The following SEC31A variants were observed in gnomAD, a reference collection of about 807,000 sequenced individuals.
SEC31A encodes protein transport protein Sec31A.
In SEC31A, 70 loss-of-function variants were observed where a neutral mutation model predicts 151.0. The observed-to-expected ratio is 0.46, with a 90% CI of 0.38 to 0.57. The LOEUF (loss-of-function observed/expected upper bound fraction) is 0.57. SEC31A is among the 20% of genes least tolerant of loss of function. SEC31A has a pLI of 0.00. For synonymous variants in SEC31A, 475 were observed against 505.9 expected (o/e 0.94, Z 0.82); for missense variants, 1,330 against 1,471.2 (o/e 0.90, Z 1.57).
intron 16 of SEC31A, among the ~76,000 whole-genome samples, chr4:82,856,068 G>A (rs1289320035): frequency 6.6e-6 from 1 of 151,988 alleles, no homozygotes; most frequent in Non-Finnish European, 1.5e-5. Context: ...ATTTCTATTT[G>A]GAAAATACTG....
At chr4:82,838,531 C>T (rs1208604797) in intron 22 of SEC31A, among the ~76,000 whole-genome samples, 1 of 152,218 alleles carries the variant, frequency 6.6e-6, no homozygotes, top group Middle Eastern at 3.2e-3. Flanking sequence ...TGCAAGGCCA[C>T]ATCCAGATTA....
At chr4:82,868,799 G>A (rs1051123071) in intron 8 of SEC31A, among the ~76,000 whole-genome samples, 10 of 151,516 alleles carry the variant, frequency 6.6e-5, no homozygotes, top group East Asian at 3.9e-4. Flanking sequence ...GGGCTCAAGC[G>A]ATCCTCCTAT....
At chr4:82,875,597 C>T (rs1180688524) in intron 5 of SEC31A, 130 bp downstream of exon 5, 1 of 619,942 alleles carries the variant, frequency 1.6e-6, no homozygotes, top group Non-Finnish European at 2.9e-6. Context: ...GAAGAAAAAT[C>T]AGTAATATCT....
intron 26 of SEC31A, among the ~76,000 whole-genome samples, chr4:82,820,780 C>A (rs1723146088): frequency 6.6e-6 from 1 of 152,194 alleles, no homozygotes; most frequent in East Asian, 1.9e-4. Flanking sequence ...CCAACACAGG[C>A]CAGTTTGTAT....
At chr4:82,833,018 C>G (rs918326371) in intron 22 of SEC31A, among the ~76,000 whole-genome samples, 1 of 152,186 alleles carries the variant, frequency 6.6e-6, no homozygotes, top group Non-Finnish European at 1.5e-5. Flanking sequence ...GGATCTAGAA[C>G]TAGGAATACC....
rs376260467 is a variant in SEC31A, at chr4:82,857,774, T to A, written c.1627-10A>T. Reference sequence around the variant, plus strand: ...TTTCCTCTTTAATGTGCTAAAGAGATGAAAAAAGCAACAATTTAGCCAGAA... The same window carrying A: ...TTTCCTCTTTAATGTGCTAAAGAGAAGAAAAAAGCAACAATTTAGCCAGAA... On this transcript the variant is annotated splice_polypyrimidine_tract_variant and intron_variant, in intron 14 of 26. Transcript: ENST00000395310. The A allele has an allele frequency of 1.3e-6, 2 of 1,538,664 alleles. No homozygotes were observed. The highest frequency in any genetic ancestry group is 1.4e-5 in the African/African-American group (1 of 72,868).
chr4:82,881,682 A>G (rs986457280), intron 2 of SEC31A, among the ~76,000 whole-genome samples, 176 bp downstream of exon 2: 1 of 152,244 alleles, frequency 6.6e-6, no homozygotes, highest in Admixed American at 6.5e-5. Flanking sequence ...GTAACACATC[A>G]TGATCAAAAT....
chr4:82,837,791 C>A (rs1245159570), intron 22 of SEC31A, among the ~76,000 whole-genome samples: 1 of 152,210 alleles, frequency 6.6e-6, no homozygotes, highest in Non-Finnish European at 1.5e-5. Flanking sequence ...AGTTGCACAG[C>A]ATCCTTACCC....
intron 26 of SEC31A, among the ~76,000 whole-genome samples, chr4:82,819,542 T>C (rs2148876780): frequency 6.6e-6 from 1 of 152,248 alleles, no homozygotes; most frequent in South Asian, 2.1e-4. Flanking sequence ...GAAATGCTAA[T>C]TTCTCTCTCC....
chr4:82,845,559 C>T (rs1729895312), intron 20 of SEC31A, among the ~76,000 whole-genome samples: 1 of 151,444 alleles, frequency 6.6e-6, no homozygotes, highest in Admixed American at 6.6e-5. Context: ...TAAATCAAAG[C>T]ACAAGAACAA....
chr4:82,833,259 C>T (rs1434431879), intron 22 of SEC31A, among the ~76,000 whole-genome samples: 1 of 152,070 alleles, frequency 6.6e-6, no homozygotes, highest in East Asian at 1.9e-4. Flanking sequence ...TTTGCAGGGA[C>T]ATGGATGAAG....
intron 8 of SEC31A, among the ~76,000 whole-genome samples, chr4:82,869,177 T>C (rs1736074634): frequency 6.6e-6 from 1 of 152,112 alleles, no homozygotes; most frequent in Admixed American, 6.5e-5. Context: ...TGGAGTGCAG[T>C]GGTGCGATCT....
intron 3 of SEC31A, chr4:82,897,865 C>T (rs1380381698): frequency 1.3e-5 from 2 of 152,002 alleles, no homozygotes; most frequent in Non-Finnish European, 2.9e-5. Flanking sequence ...GATTATATAC[C>T]ATAAAATAGG....
At chr4:82,851,000 A>C (rs550858351) in intron 19 of SEC31A, among the ~76,000 whole-genome samples, 1 of 152,386 alleles carries the variant, frequency 6.6e-6, no homozygotes, top group South Asian at 2.1e-4. Context: ...AATGGCATAC[A>C]GAATGAACTT....
chr4:82,820,862 G>T (rs757426834), intron 26 of SEC31A, among the ~76,000 whole-genome samples, 175 bp downstream of exon 26: 1 of 151,816 alleles, frequency 6.6e-6, no homozygotes, highest in African/African-American at 2.4e-5. Flanking sequence ...ACACACACCC[G>T]TATCCCCTTA....
chr4:82,824,392 A>G (rs567015597), intron 25 of SEC31A, among the ~76,000 whole-genome samples, 163 bp downstream of exon 25: 2 of 152,132 alleles, frequency 1.3e-5, no homozygotes, highest in East Asian at 3.9e-4. Context: ...TGTAGTAGAG[A>G]CGGGGTTTTG....
At chr4:82,857,153 C>T in intron 15 of SEC31A, 23 bp from the exon 16 acceptor site, 1 of 1,600,704 alleles carries the variant, frequency 6.2e-7, no homozygotes, top group Non-Finnish European at 8.5e-7. Flanking sequence ...AATAATACAT[C>T]CAAGTTAAAT....
chr4:82,878,942 T>G lies in SEC31A; in HGVS notation c.204-14A>C, dbSNP rs1296495420. The G allele has an allele frequency of 1.0e-5, 16 of 1,586,242 alleles. No individual in the cohort carries two copies. The highest frequency in any genetic ancestry group is 1.7e-5 in the Admixed American group (1 of 57,988). The stretch of plus-strand genomic sequence containing the variant: ...AACTTGTGGTACCTACAGGAGAAAA[T>G]GAATAAAATCATTCATTCTTAAAGT... On this transcript the variant is annotated splice_polypyrimidine_tract_variant and intron_variant, in intron 3 of 26. Coordinates refer to ENST00000395310, the MANE Select transcript of SEC31A (RefSeq NM_001077207.4).
At chr4:82,899,811 G>A (rs151199891) in intron 2 of SEC31A, 1 of 152,768 alleles carries the variant, frequency 6.5e-6, no homozygotes, top group African/African-American at 2.4e-5. Context: ...ATTTTTGTGT[G>A]CTATACAAAG....
Sources: allele counts gnomAD v4.1 joint callset (sites outside exome capture counted in the v4.1 genomes callset), GRCh38; gene constraint gnomAD v4.1.1; transcripts MANE v1.5; gene names NCBI Gene and HGNC (gene_info 2026-07-23, HGNC 2026-07-21).